The following LOXL1 variants were observed in gnomAD, a reference collection of about 807,000 sequenced individuals.
LOXL1 encodes the protein lysyl oxidase homolog 1.
Under a neutral mutation model 62.2 loss-of-function variants are expected in LOXL1, and 31 were observed. That is an observed-to-expected ratio of 0.50 (90% CI 0.37 to 0.67). The LOEUF is 0.67. Among genes scored for constraint, LOXL1 ranks in the 30% least tolerant of loss-of-function variants. LOXL1 has a pLI of 0.00. For synonymous variants in LOXL1, 403 were observed against 384.4 expected, an observed-to-expected ratio of 1.05 and a Z score of -0.56; for missense variants, 775 against 843.4, an observed-to-expected ratio of 0.92 and a Z score of 1.00.
At chr15:73,936,011 A>G (rs1231711384) in intron 1 of LOXL1, among the ~76,000 whole-genome samples, 6 of 142,340 alleles carry the variant, frequency 4.2e-5, no homozygotes, top group African/African-American at 1.5e-4. Context: ...ATTCCAGGAC[A>G]AGGGCACCAT....
chr15:73,931,936 A>G lies in LOXL1; in HGVS notation c.1102+4051A>G, dbSNP rs559970392. On this transcript the variant is annotated intron_variant, in intron 1 of 6. Coordinates refer to ENST00000261921, the MANE Select transcript of LOXL1 (RefSeq NM_005576.4). ...ACCACTTCCTGGGCTTACTGACTTC[A>G]ATGTGCAGTTTCATTCATCCTCACA... is the stretch of plus-strand genomic sequence containing the variant. Among the ~76,000 whole-genome samples the G allele has an allele frequency of 1.2e-4, 19 of 152,324 alleles. No individual in the cohort carries two copies. In the South Asian group the frequency reaches 2.3e-3, roughly 18 times the overall value.
chr15:73,949,386 C>T, intron 5 of LOXL1, 73 bp from the exon 6 acceptor site: 2 of 863,452 alleles, frequency 2.3e-6, no homozygotes, highest in Non-Finnish European at 4.0e-6. Context: ...TCTTTACCAC[C>T]TTCTCTGGTG....
At chr15:73,935,604 C>A (rs2068665228) in intron 1 of LOXL1, among the ~76,000 whole-genome samples, 1 of 151,890 alleles carries the variant, frequency 6.6e-6, no homozygotes, top group Admixed American at 6.6e-5. Context: ...GGCTCAGGGG[C>A]AGGGGTTGGG....
chr15:73,929,524 A>G (rs797018696), intron 1 of LOXL1, among the ~76,000 whole-genome samples: 6 of 152,308 alleles, frequency 3.9e-5, no homozygotes, highest in African/African-American at 1.2e-4. Context: ...CACTCACTCT[A>G]TCACATCCAA....
intron 1 of LOXL1, chr15:73,941,863 G>A: frequency 5.6e-6 from 1 of 178,876 alleles, no homozygotes; most frequent in Non-Finnish European, 1.3e-5. Flanking sequence ...TTTGGTTTCT[G>A]CTTATTCCTA....
At chr15:73,942,561 T>C (rs12441130) in intron 1 of LOXL1, among the ~76,000 whole-genome samples, 62,776 of 151,758 alleles carry the variant, frequency 0.41, 14,232 homozygotes, top group Middle Eastern at 0.62. Flanking sequence ...TCCCGCTCTC[T>C]GATTCTCTAA....
intron 1 of LOXL1, among the ~76,000 whole-genome samples, chr15:73,934,273 T>C (rs1056778004): frequency 6.6e-6 from 1 of 152,212 alleles, no homozygotes; most frequent in African/African-American, 2.4e-5. Context: ...CCAGACGTTT[T>C]ATGGAGTATG....
Position 73,945,564 on chromosome 15 carries a change from G to T in LOXL1, c.1212-853G>T, listed in dbSNP as rs1361962086. 6.6e-6 allele frequency among the ~76,000 whole-genome samples: 1 copy of T among 152,150 alleles called. No homozygotes were observed. Among genetic ancestry groups the T allele is most frequent in the East Asian group, 1.9e-4 (1 of 5,202 alleles). ...CCCAGGGTGTGTGGGGGAGTGGAAG[G>T]GCAGATGGGACTAGAAAAGTGAAGA... On this transcript the variant is annotated intron_variant, in intron 2 of 6. Transcript: ENST00000261921. This position sits in a 1 kb window ranked among gnomAD's most constrained non-coding sequence, Gnocchi z 4.3.
At position 73,927,288 on chromosome 15, in the gene LOXL1, C is replaced by T; in HGVS notation, c.505C>T (p.Gln169Ter). 6.2e-7 allele frequency: 1 copy of T among 1,603,456 alleles called. No individual in the cohort carries two copies. The highest frequency in any genetic ancestry group is 8.5e-7 in the Non-Finnish European group (1 of 1,177,396). The change falls in exon 1 of 7, where the codon CAG (glutamine) becomes TAG (stop). Residue 169 changes from glutamine to a stop codon, truncating the protein, a stop_gained. Coordinates refer to ENST00000261921, the MANE Select transcript of LOXL1 (RefSeq NM_005576.4). LOFTEE classifies it high-confidence loss of function. ...TTCGGCCTTCGCCAGCACCTACCGC[C>T]AGCAGCCCTCCTACCCGCAGCAGTT... is the stretch of plus-strand genomic sequence containing the variant. ...SASAFASTYRQQPSYPQQFPY... is the reference protein window; with the variant it reads ...SASAFASTYR
intron 1 of LOXL1, among the ~76,000 whole-genome samples, chr15:73,935,892 G>T (rs1159208068): frequency 6.6e-6 from 1 of 151,796 alleles, no homozygotes. Context: ...GACAGGGTGG[G>T]CTTTGGAGCT....
At chr15:73,941,453 C>T (rs573171397) in intron 1 of LOXL1, among the ~76,000 whole-genome samples, 5 of 152,296 alleles carry the variant, frequency 3.3e-5, no homozygotes, top group African/African-American at 1.2e-4. Flanking sequence ...GCCTTCCCCT[C>T]CTTGGCCTCA....
chr15:73,928,899 C>T (rs2068615040), intron 1 of LOXL1, among the ~76,000 whole-genome samples: 7 of 151,468 alleles, frequency 4.6e-5, no homozygotes, highest in Admixed American at 4.6e-4. Context: ...TCACTGGCCT[C>T]ATTCCCCTCA....
intron 1 of LOXL1, among the ~76,000 whole-genome samples, chr15:73,931,309 C>T (rs547959044): frequency 7.9e-5 from 12 of 151,992 alleles, no homozygotes; most frequent in Admixed American, 2.0e-4. Context: ...AGGAGAGAAC[C>T]GCAGCTGCCT....
intron 1 of LOXL1, chr15:73,942,021 C>T: frequency 5.2e-6 from 1 of 193,308 alleles, no homozygotes. Flanking sequence ...GCGCTTGACC[C>T]CAGGCCTTGC....
rs2068628497 is a variant in LOXL1, at chr15:73,930,536, G to A, written c.1102+2651G>A. Among the ~76,000 whole-genome samples the A allele has an allele frequency of 1.3e-5, 2 of 152,202 alleles. No individual in the cohort carries two copies. The highest frequency in any genetic ancestry group is 4.8e-5 in the African/African-American group (2 of 41,468). On this transcript the variant is annotated intron_variant, in intron 1 of 6. Coordinates refer to ENST00000261921, the MANE Select transcript of LOXL1 (RefSeq NM_005576.4). The surrounding 1 kb of genome is among the most constrained non-coding windows in gnomAD (Gnocchi z 4.7). Reference sequence around the variant, plus strand: ...TGCTTGAGATCAGACCCCCAGGCCTGGTGTGGGAGCCCAAGGCGGATTCTC... The same window carrying A: ...TGCTTGAGATCAGACCCCCAGGCCTAGTGTGGGAGCCCAAGGCGGATTCTC...
chr15:73,948,332 C>T (rs959198161), intron 5 of LOXL1, among the ~76,000 whole-genome samples: 2 of 152,220 alleles, frequency 1.3e-5, no homozygotes, highest in Non-Finnish European at 2.9e-5. Flanking sequence ...GACTAAGACC[C>T]TTTTAGCCTG....
chr15:73,947,198 G>A lies in LOXL1; in HGVS notation c.1481G>A (p.Arg494His), dbSNP rs777716619. The A allele has an allele frequency of 2.4e-5, 39 of 1,611,562 alleles. No individual in the cohort carries two copies. The highest frequency in any genetic ancestry group is 1.0e-4 in the Admixed American group (6 of 59,908). The change falls in exon 4 of 7, where the codon CGC (arginine) becomes CAC (histidine). Residue 494 changes from arginine to histidine, a missense_variant. By Grantham distance (29) the Arg-to-His change is conservative. Coordinates refer to ENST00000261921, the MANE Select transcript of LOXL1 (RefSeq NM_005576.4). ...ACCTGTGACTTCGGCAACCTCAAGC[G>A]CTATGCATGCACCTCTCATACCCAG... Reference protein sequence around the residue: ...DSTCDFGNLKRYACTSHTQGL... With the variant: ...DSTCDFGNLKHYACTSHTQGL...
chr15:73,927,507 G>C lies in LOXL1; in HGVS notation c.724G>C (p.Glu242Gln). The change falls in exon 1 of 7, where the codon GAG becomes CAG. Residue 242 changes from glutamate to glutamine, a missense_variant. Coordinates refer to ENST00000261921, the MANE Select transcript of LOXL1 (RefSeq NM_005576.4). Reference protein sequence around the residue: ...ARYEEYGGGEELPEYPPQGFY... With the variant: ...ARYEEYGGGEQLPEYPPQGFY... ...CTACGAGGAGTACGGCGGCGGCGAA[G>C]AGCTGCCCGAGTACCCGCCTCAGGG... 1 of 1,481,304 alleles carries C rather than the reference G, an allele frequency of 6.8e-7. No individual in the cohort carries two copies. The highest frequency in any genetic ancestry group is 1.3e-5 in the South Asian group (1 of 77,798). 91.8% of individuals were successfully genotyped at this position (1,481,304 alleles called of 1,614,324 possible). A position where few individuals can be genotyped will look rare whatever the true frequency, so the allele number is the denominator to read the frequency against.
At chr15:73,933,399 C>A (rs904744319) in intron 1 of LOXL1, among the ~76,000 whole-genome samples, 6 of 152,176 alleles carry the variant, frequency 3.9e-5, no homozygotes, top group African/African-American at 1.4e-4. Flanking sequence ...GTTCACTGTT[C>A]CCCTGAGGTG....
Sources: allele counts gnomAD v4.1 joint callset (sites outside exome capture counted in the v4.1 genomes callset), GRCh38; gene constraint gnomAD v4.1.1; non-coding constraint Gnocchi (gnomAD v3.1); transcripts MANE v1.5; gene names NCBI Gene and HGNC (gene_info 2026-07-23, HGNC 2026-07-21).